TUBD1: variants seen among roughly 807,000 people sequenced by gnomAD.
TUBD1 encodes the protein tubulin delta chain.
A neutral mutation model predicts 51.2 loss-of-function variants in TUBD1; 38 were observed. That is an observed-to-expected ratio of 0.74 (90% CI 0.57 to 0.97). TUBD1 has a LOEUF of 0.97. Ranked by LOEUF, TUBD1 falls within the 50% of genes least tolerant of loss-of-function variation. The probability of loss-of-function intolerance (pLI) is 0.00; values close to 1 mark genes in which losing one functional copy is unlikely to be tolerated. For missense variants in TUBD1, 489 were observed against 538.4 expected (o/e 0.91, Z 0.91); for synonymous variants, 169 against 178.2 (o/e 0.95, Z 0.41).
chr17:59,889,668 C>CAAAA (rs1195587619), intron 2 of TUBD1, among the ~76,000 whole-genome samples: 3 of 54,178 alleles, frequency 5.5e-5, no homozygotes, highest in Non-Finnish European at 1.1e-4. Flanking sequence ...GACTCTGTCT[C>CAAAA]AAAAAAAAAA....
In TUBD1 at chr17:59,878,328, C is replaced by T. The variant is rs753473459; in HGVS notation, c.544G>A (p.Val182Ile). Residue 182 changes from valine to isoleucine, a missense_variant, in exon 5 of 9, where the codon GTT becomes ATT. By Grantham distance (29) the Val-to-Ile change is conservative (BLOSUM62 3). Transcript: ENST00000325752. ...IWPYGTGEVI[V>I]QNYNSILTLS... The stretch of plus-strand genomic sequence containing the variant: ...GTCAAAATGGAGTTGTAGTTTTGAA[C>T]AATAACCTGGAGAGGAAAAGGTCAG... The T allele has an allele frequency of 3.5e-5, 56 of 1,610,476 alleles. No homozygotes were observed. The highest frequency in any genetic ancestry group is 4.8e-5 in the Non-Finnish European group (56 of 1,176,966).
chr17:59,885,360 A>C, intron 3 of TUBD1: 1 of 745,458 alleles, frequency 1.3e-6, no homozygotes, highest in Non-Finnish European at 2.4e-6. Flanking sequence ...TGTCCCCCAC[A>C]CCTGTTTCTT....
intron 3 of TUBD1, chr17:59,885,018 G>T: frequency 3.4e-6 from 1 of 295,964 alleles, no homozygotes; most frequent in Middle Eastern, 4.2e-4. Flanking sequence ...GGTGAAGATG[G>T]CAGTGGCCAG....
chr17:59,879,604 T>A (rs2144529113), intron 4 of TUBD1, among the ~76,000 whole-genome samples: 1 of 151,122 alleles, frequency 6.6e-6, no homozygotes, highest in Middle Eastern at 3.5e-3. Flanking sequence ...CCTGGCTAAT[T>A]TTTGTATTTT....
rs757034412 is a variant in TUBD1, at chr17:59,890,855, A to G, written c.148T>C (p.Phe50Leu). The G allele has an allele frequency of 1.2e-5, 20 of 1,613,274 alleles. No individual in the cohort carries two copies. The highest frequency in any genetic ancestry group is 1.7e-5 in the Non-Finnish European group (20 of 1,179,680). ...CCTCCATTCTCCTCCTCACTGAAGA[A>G]TCTTTCTTTGCAAGATGCTTGATAT... is the stretch of plus-strand genomic sequence containing the variant. The part of the protein sequence containing the change: ...EAYQASCKER[F>L]FSEEENGVPI... Residue 50 changes from phenylalanine to leucine, a missense_variant, in exon 2 of 9, where the codon TTC becomes CTC. Coordinates refer to ENST00000325752, the MANE Select transcript of TUBD1 (RefSeq NM_016261.4).
rs560573630 is a variant in TUBD1 at position 59,861,660 on chromosome 17, TTTTG to T, written c.1260-1240_1260-1237del. 6.1e-3 allele frequency among the ~76,000 whole-genome samples: 929 copies of T among 151,760 alleles called. 8 individuals carry two copies. The highest frequency in any genetic ancestry group is 0.018 in the African/African-American group (737 of 41,402). On this transcript the variant is annotated intron_variant, in intron 8 of 8. Coordinates refer to ENST00000325752, the MANE Select transcript of TUBD1 (RefSeq NM_016261.4). ...CTTCATGGCCCTGTGGAGTGGGTTT[TTTTG>T]TTTGTTTGTTTGTTTGTTTTTGAGA...
chr17:59,863,616 CAAAA>C (rs377342839), intron 8 of TUBD1, 44 bp downstream of exon 8: 1,814 of 1,138,086 alleles, frequency 1.6e-3, no homozygotes, highest in South Asian at 3.6e-3. Flanking sequence ...GACTCTGTCT[CAAAA>C]AAAAAAAAAA....
chr17:59,868,108 C>CAAAAAAAAAA (rs35401242), intron 6 of TUBD1, among the ~76,000 whole-genome samples: 3 of 26,810 alleles, frequency 1.1e-4, no homozygotes, highest in African/African-American at 2.9e-4. Context: ...ACTAAAAATA[C>CAAAAAAAAAA]AAAAAAAAAA....
At chr17:59,874,494 A>C in intron 6 of TUBD1, 45 bp downstream of exon 6, 1 of 1,590,102 alleles carries the variant, frequency 6.3e-7, no homozygotes, top group African/African-American at 1.4e-5. Flanking sequence ...CAGGACAGAC[A>C]TTTTTTCCAG....
chr17:59,869,614 C>T (rs1568290969), intron 6 of TUBD1, among the ~76,000 whole-genome samples: 1 of 152,040 alleles, frequency 6.6e-6, no homozygotes, highest in Non-Finnish European at 1.5e-5. Context: ...ACATTGTGTT[C>T]CTTGTGGTAT....
chr17:59,871,493 C>T (rs140019590), intron 6 of TUBD1, among the ~76,000 whole-genome samples: 90 of 152,136 alleles, frequency 5.9e-4, no homozygotes, highest in African/African-American at 2.1e-3. Context: ...CCACTGCACC[C>T]GGCCAGAATG....
chr17:59,885,557 G>A lies in TUBD1; in HGVS notation c.320+526C>T, dbSNP rs1472960192. On this transcript the variant is annotated intron_variant, in intron 3 of 8. Transcript: ENST00000325752. Reference sequence around the variant, plus strand: ...TCGGTGGTTCACTACTAGATCTGAGGAGGCTTCGTGGGCTTTTGTGCCCTC... The same window carrying A: ...TCGGTGGTTCACTACTAGATCTGAGAAGGCTTCGTGGGCTTTTGTGCCCTC... 2.8e-6 allele frequency: 4 copies of A among 1,435,830 alleles called. No homozygotes were observed. In the African/African-American group the frequency reaches 4.2e-5, roughly 15 times the overall value. 88.9% of individuals were successfully genotyped at this position (1,435,830 alleles called of 1,614,324 possible).
intron 8 of TUBD1, among the ~76,000 whole-genome samples, chr17:59,860,996 G>GTATATA (rs375851682): frequency 6.6e-6 from 1 of 150,408 alleles, no homozygotes; most frequent in African/African-American, 2.4e-5. Flanking sequence ...TATCTACTCA[G>GTATATA]TATATATATA....
At chr17:59,885,831 A>C (rs1368190237) in intron 3 of TUBD1, among the ~76,000 whole-genome samples, 2 of 152,208 alleles carry the variant, frequency 1.3e-5, no homozygotes, top group Non-Finnish European at 2.9e-5. Flanking sequence ...TTGGTAAGTT[A>C]GTTTGCAGCA....
intron 2 of TUBD1, among the ~76,000 whole-genome samples, chr17:59,889,668 CAAAAAAAAA>C (rs1195587619): frequency 1.8e-5 from 1 of 54,178 alleles, no homozygotes; most frequent in African/African-American, 7.4e-5. Context: ...GACTCTGTCT[CAAAAAAAAA>C]AAAAAAAAAA....
intron 4 of TUBD1, among the ~76,000 whole-genome samples, chr17:59,880,621 A>T (rs1292058): frequency 0.79 from 120,432 of 151,838 alleles, 48,544 homozygotes; most frequent in African/African-American, 0.95. Flanking sequence ...TTCACGCTAT[A>T]CTCCTGCCTC....
At chr17:59,861,956 GCA>G (rs2039470611) in intron 8 of TUBD1, among the ~76,000 whole-genome samples, 1 of 151,508 alleles carries the variant, frequency 6.6e-6, no homozygotes, top group Non-Finnish European at 1.5e-5. Context: ...GTGAGCCACT[GCA>G]CCCAGCCTGA....
At chr17:59,886,392 G>T in intron 2 of TUBD1, 162 bp from the exon 3 acceptor site, 1 of 675,982 alleles carries the variant, frequency 1.5e-6, no homozygotes. Context: ...ATCTCAGTGG[G>T]CAGCAGCAGG....
chr17:59,867,267 C>T (rs2039751305), intron 6 of TUBD1, among the ~76,000 whole-genome samples: 1 of 151,982 alleles, frequency 6.6e-6, no homozygotes, highest in Non-Finnish European at 1.5e-5. Flanking sequence ...AACTCCTGGG[C>T]TCAAATGATC....
Sources: allele counts gnomAD v4.1 joint callset (sites outside exome capture counted in the v4.1 genomes callset), GRCh38; gene constraint gnomAD v4.1.1; transcripts MANE v1.5; gene names NCBI Gene and HGNC (gene_info 2026-07-23, HGNC 2026-07-21).